Variants in SV2B observed in about 807,000 individuals in gnomAD.
The protein encoded by SV2B is solute carrier family 22 member B2.
In SV2B, 41 loss-of-function variants were observed where a neutral mutation model predicts 73.9. The observed-to-expected ratio is 0.56, with a 90% confidence interval of 0.43 to 0.72. The LOEUF is 0.72. SV2B is among the 30% of genes least tolerant of loss of function. The pLI is 0.00. For missense variants in SV2B, 764 were observed against 857.8 expected (o/e 0.89, Z 1.37); for synonymous variants, 314 against 314.2 (o/e 1.00, Z 0.01).
intron 1 of SV2B, among the ~76,000 whole-genome samples, chr15:91,199,501 T>A (rs1210827427): frequency 1.3e-5 from 2 of 152,202 alleles, no homozygotes; most frequent in Non-Finnish European, 2.9e-5. Flanking sequence ...TTCTGTTTGT[T>A]AAATGCCGCT....
At chr15:91,196,699 A>G (rs73507005) in intron 1 of SV2B, among the ~76,000 whole-genome samples, 4,936 of 152,284 alleles carry the variant, frequency 0.032, 255 homozygotes, top group African/African-American at 0.11. Flanking sequence ...AAAATCAACA[A>G]TTATGAATTA....
intron 1 of SV2B, among the ~76,000 whole-genome samples, chr15:91,189,588 C>T (rs1336281639): frequency 6.6e-6 from 1 of 152,176 alleles, no homozygotes; most frequent in African/African-American, 2.4e-5. Context: ...TATCATGTTA[C>T]CATCTCACAC....
chr15:91,199,564 G>T (rs1460975479), intron 1 of SV2B, among the ~76,000 whole-genome samples: 1 of 152,186 alleles, frequency 6.6e-6, no homozygotes, highest in Admixed American at 6.5e-5. Flanking sequence ...GCATCTTGGG[G>T]CAGGGCAAAT....
chr15:91,189,717 G>A (rs1409707707), intron 1 of SV2B, among the ~76,000 whole-genome samples: 1 of 152,170 alleles, frequency 6.6e-6, no homozygotes, highest in African/African-American at 2.4e-5. Flanking sequence ...AGCCGGGCGC[G>A]GTGGCTCACG....
Position 91,239,770 on chromosome 15 carries a change from A to T in SV2B, c.452-12049A>T. Among the ~76,000 whole-genome samples, 1 of 152,248 alleles carries T rather than the reference A, an allele frequency of 6.6e-6. No homozygotes were observed. The highest frequency in any genetic ancestry group is 2.4e-5 in the African/African-American group (1 of 41,562). On this transcript the variant is annotated intron_variant, in intron 2 of 12. Coordinates refer to ENST00000394232, the MANE Select transcript of SV2B (RefSeq NM_001323032.3). This position sits in a 1 kb window ranked among gnomAD's most constrained non-coding sequence, Gnocchi z 5.1. Reference sequence around the variant, plus strand: ...GATACTCATTATTTATTGATCAAGAATTTTCAAAGTAGGTGGTACCAGAGT... The same window carrying T: ...GATACTCATTATTTATTGATCAAGATTTTTCAAAGTAGGTGGTACCAGAGT...
chr15:91,133,789 C>T (rs2042729325), intron 1 of SV2B, among the ~76,000 whole-genome samples: 2 of 152,032 alleles, frequency 1.3e-5, no homozygotes, highest in African/African-American at 4.8e-5. Context: ...TTCTCCCTTG[C>T]CTGGGTGTCA....
intron 2 of SV2B, among the ~76,000 whole-genome samples, chr15:91,235,310 C>T (rs2046737013): frequency 6.6e-6 from 1 of 152,194 alleles, no homozygotes; most frequent in Non-Finnish European, 1.5e-5. Flanking sequence ...CCCTTCTTAA[C>T]ATCAAGAGAT....
chr15:91,289,491 T>C lies in SV2B; in HGVS notation c.1709-30T>C. ...CCATGTGCAAGACACAGGCCTCATG[T>C]TTCTTTTTGCCCTTGAACTCCCTCT... On this transcript the variant is annotated intron_variant, in intron 11 of 12. Transcript: ENST00000394232. This position sits in a 1 kb window ranked among gnomAD's most constrained non-coding sequence, Gnocchi z 4.9. The C allele has an allele frequency of 6.2e-7, 1 of 1,614,022 alleles. No homozygotes were observed. The highest frequency in any genetic ancestry group is 8.5e-7 in the Non-Finnish European group (1 of 1,179,956).
At chr15:91,200,280 A>G (rs1054012268) in intron 1 of SV2B, among the ~76,000 whole-genome samples, 1 of 152,180 alleles carries the variant, frequency 6.6e-6, no homozygotes, top group Non-Finnish European at 1.5e-5. Flanking sequence ...TTGAAATGTT[A>G]TTTCTCCAGC....
chr15:91,276,059 G>T (rs927284890), intron 9 of SV2B, among the ~76,000 whole-genome samples: 15 of 145,492 alleles, frequency 1.0e-4, no homozygotes, highest in African/African-American at 3.8e-4. Context: ...AAATCTGGGT[G>T]GACAGTTTTT....
chr15:91,217,329 TAAAC>T (rs1227394183), intron 1 of SV2B, among the ~76,000 whole-genome samples: 2 of 152,070 alleles, frequency 1.3e-5, no homozygotes, highest in East Asian at 3.9e-4. Flanking sequence ...GAGAAACACA[TAAAC>T]AAAGAGACAC....
At chr15:91,104,911 C>G (rs543361700) in intron 1 of SV2B, among the ~76,000 whole-genome samples, 1 of 152,130 alleles carries the variant, frequency 6.6e-6, no homozygotes, top group Non-Finnish European at 1.5e-5. Flanking sequence ...GGATTACAGG[C>G]GTGAGCCACC....
chr15:91,212,282 C>T lies in SV2B; in HGVS notation c.-391-13591C>T, dbSNP rs554295218. On this transcript the variant is annotated intron_variant, in intron 1 of 12. Transcript: ENST00000394232. ...GCTCTCTTTCTTCCTTGGGCTTACCCCAAATCTATCTCTGTGGGCTTCACT... is the reference window on the plus strand; with the variant it reads ...GCTCTCTTTCTTCCTTGGGCTTACCTCAAATCTATCTCTGTGGGCTTCACT... 2.0e-5 allele frequency among the ~76,000 whole-genome samples: 3 copies of T among 152,290 alleles called. No homozygotes were observed. The South Asian group carries it at 6.2e-4, about 32-fold the overall frequency.
rs1417921442 is a variant in SV2B at position 91,132,124 on chromosome 15, G to A, written c.-392+31761G>A. On this transcript the variant is annotated intron_variant, in intron 1 of 12. Transcript: ENST00000394232. This position sits in a 1 kb window ranked among gnomAD's most constrained non-coding sequence, Gnocchi z 4.6. Reference sequence around the variant, plus strand: ...AGAATGAAGCATCAAAAGAACGAAAGCAGGTATTTATCGAAAATGAAAGTA... The same window carrying A: ...AGAATGAAGCATCAAAAGAACGAAAACAGGTATTTATCGAAAATGAAAGTA... Among the ~76,000 whole-genome samples, 1 of 152,218 alleles carries A rather than the reference G, an allele frequency of 6.6e-6. No homozygotes were observed. The highest frequency in any genetic ancestry group is 2.4e-5 in the African/African-American group (1 of 41,460).
At chr15:91,181,289 G>A (rs566504652) in intron 1 of SV2B, among the ~76,000 whole-genome samples, 1 of 149,342 alleles carries the variant, frequency 6.7e-6, no homozygotes, top group East Asian at 2.1e-4. Flanking sequence ...CATATGAGGT[G>A]TCAGTCTGCC....
chr15:91,281,614 T>C lies in SV2B; in HGVS notation c.1374-114T>C, dbSNP rs1218935240. 3 of 1,257,204 alleles carry C rather than the reference T, an allele frequency of 2.4e-6. No homozygotes were observed. The highest frequency in any genetic ancestry group is 3.3e-6 in the Non-Finnish European group (3 of 913,694). The allele number at this position is 1,257,204 out of a possible 1,614,324, so 77.9% of individuals were successfully genotyped here. ...AAGTGGTCTGGGTTGAAAATAATGC[T>C]CTGGCACCTTTTGCTTGCACATCTC... On this transcript the variant is annotated intron_variant, in intron 9 of 12. Transcript: ENST00000394232. This position sits in a 1 kb window ranked among gnomAD's most constrained non-coding sequence, Gnocchi z 4.7.
intron 1 of SV2B, among the ~76,000 whole-genome samples, chr15:91,219,369 C>T (rs1350970140): frequency 1.3e-5 from 2 of 152,202 alleles, no homozygotes; most frequent in Non-Finnish European, 2.9e-5. Context: ...CTGCAATTCT[C>T]TCTTCCAATA....
chr15:91,171,521 A>G (rs1301235114), intron 1 of SV2B, among the ~76,000 whole-genome samples: 2 of 152,040 alleles, frequency 1.3e-5, no homozygotes, highest in African/African-American at 2.4e-5. Flanking sequence ...ACGTCACTTT[A>G]TGCTCCCCTG....
intron 1 of SV2B, among the ~76,000 whole-genome samples, chr15:91,172,085 T>A (rs74624476): frequency 0.071 from 10,758 of 152,178 alleles, 1,237 homozygotes; most frequent in African/African-American, 0.24. Context: ...CACTAAAAAT[T>A]GGTATATGTA....
Sources: allele counts gnomAD v4.1 joint callset (sites outside exome capture counted in the v4.1 genomes callset), GRCh38; gene constraint gnomAD v4.1.1; non-coding constraint Gnocchi (gnomAD v3.1); transcripts MANE v1.5; gene names NCBI Gene and HGNC (gene_info 2026-07-23, HGNC 2026-07-21).